Variants in MAN2A1 observed in about 807,000 individuals in gnomAD.
MAN2A1 encodes mannosidase alpha class 2A member 1, also known as alpha-mannosidase 2.
In MAN2A1, 76 loss-of-function variants were observed where a neutral mutation model predicts 142.6. The ratio of observed to expected loss-of-function variants is 0.53; its 90% CI spans 0.44 to 0.65. The LOEUF is 0.65. MAN2A1 is among the 30% of genes least tolerant of loss of function. MAN2A1 has a pLI of 0.00. For synonymous variants in MAN2A1, 559 were observed against 473.2 expected (o/e 1.18, Z -2.35); for missense variants, 1,311 against 1,365.1 (o/e 0.96, Z 0.62).
intron 5 of MAN2A1, among the ~76,000 whole-genome samples, chr5:109,763,565 A>G (rs937957867): frequency 3.3e-5 from 5 of 151,700 alleles, no homozygotes; most frequent in African/African-American, 1.2e-4. Context: ...CATGTGCACA[A>G]TGTGCAGGTT....
In MAN2A1 at chr5:109,729,510, A is replaced by G; in HGVS notation, c.704A>G (p.Lys235Arg). 1 of 1,491,662 alleles carries G rather than the reference A, an allele frequency of 6.7e-7. No individual in the cohort carries two copies. The highest frequency in any genetic ancestry group is 8.9e-7 in the Non-Finnish European group (1 of 1,118,142). 92.4% of individuals were successfully genotyped at this position (1,491,662 alleles called of 1,614,324 possible). The change falls in exon 4 of 22, where the codon AAA becomes AGA. Residue 235 changes from lysine (K) to arginine (R), a missense_variant. Lys to Arg is a conservative substitution (Grantham distance 26, BLOSUM62 2). Coordinates refer to ENST00000261483, the MANE Select transcript of MAN2A1 (RefSeq NM_002372.4). ...IIDIQKKDAV[K>R]SLIENGQLEI... ...GATATTCAGAAGAAGGATGCTGTTA[A>G]AAGGTTTGTTTTAAAACTTTTTTGG...
intron 12 of MAN2A1, among the ~76,000 whole-genome samples, chr5:109,815,973 A>G (rs1247114250): frequency 6.6e-6 from 1 of 152,242 alleles, no homozygotes; most frequent in African/African-American, 2.4e-5. Context: ...AATACTCTTC[A>G]TTTGAAGACA....
chr5:109,865,806 T>C (rs1755865047), intron 21 of MAN2A1, among the ~76,000 whole-genome samples: 1 of 152,210 alleles, frequency 6.6e-6, no homozygotes, highest in African/African-American at 2.4e-5. Context: ...TTTCTGGCAG[T>C]TCCATCAAGC....
chr5:109,839,381 T>C (rs1168686681), intron 16 of MAN2A1, among the ~76,000 whole-genome samples: 1 of 152,240 alleles, frequency 6.6e-6, no homozygotes, highest in Non-Finnish European at 1.5e-5. Context: ...GTGTGATTTC[T>C]TTTTCAACTT....
At chr5:109,779,941 C>T (rs548376150) in intron 8 of MAN2A1, among the ~76,000 whole-genome samples, 1 of 152,302 alleles carries the variant, frequency 6.6e-6, no homozygotes, top group South Asian at 2.1e-4. Flanking sequence ...AGATTACAGT[C>T]ACTTATATTT....
chr5:109,735,704 A>G (rs1752071701), intron 4 of MAN2A1, among the ~76,000 whole-genome samples: 1 of 152,280 alleles, frequency 6.6e-6, no homozygotes, highest in Middle Eastern at 3.4e-3. Flanking sequence ...TCTTAACTAT[A>G]TTAAAAAGTT....
rs537499630 is a variant in MAN2A1 at position 109,802,143 on chromosome 5, C to A, written c.1943+12616C>A. On this transcript the variant is annotated intron_variant, in intron 12 of 21. Coordinates refer to ENST00000261483, the MANE Select transcript of MAN2A1 (RefSeq NM_002372.4). Reference sequence around the variant, plus strand: ...GATTCTTTCTTGCTCAGAACCTACACAGGCAAGGTCTCTTTTCTAAGTGAC... The same window carrying A: ...GATTCTTTCTTGCTCAGAACCTACAAAGGCAAGGTCTCTTTTCTAAGTGAC... Among the ~76,000 whole-genome samples, 15 of 152,266 alleles carry A rather than the reference C, an allele frequency of 9.9e-5. No individual in the cohort carries two copies. The South Asian group carries it at 3.1e-3, about 32-fold the overall frequency.
At chr5:109,831,037 T>C (rs1319338641) in intron 16 of MAN2A1, among the ~76,000 whole-genome samples, 1 of 152,180 alleles carries the variant, frequency 6.6e-6, no homozygotes, top group Non-Finnish European at 1.5e-5. Flanking sequence ...ACAGGAGATA[T>C]GTAATGGCTC....
intron 17 of MAN2A1, among the ~76,000 whole-genome samples, chr5:109,845,634 T>A (rs1755326048): frequency 1.3e-5 from 2 of 152,172 alleles, no homozygotes; most frequent in South Asian, 4.1e-4. Flanking sequence ...ATGCCTATTT[T>A]AAAAATCTGG....
intron 12 of MAN2A1, among the ~76,000 whole-genome samples, chr5:109,799,970 C>G (rs1291571760): frequency 2.0e-5 from 3 of 151,762 alleles, no homozygotes; most frequent in Admixed American, 6.6e-5. Flanking sequence ...CACCTGTAAT[C>G]CCTGCTACTT....
rs777508298 is a variant in MAN2A1 at position 109,713,623 on chromosome 5, G to C, written c.239G>C (p.Ser80Thr). ...ATTAGAGACTCAGTCATCAATTTGA[G>C]TGAGTCTGTGGAGGATGGTCCGAAA... ...SNIRDSVINL[S>T]ESVEDGPKSS... The change falls in exon 2 of 22, where the codon AGT becomes ACT. Residue 80 changes from serine (S) to threonine (T), a missense_variant. By Grantham distance (58) the Ser-to-Thr change is moderately conservative. Around this residue, in one of 3 missense-constraint regions of MAN2A1, gnomAD observed 409 missense variants for 412.7 expected, o/e 0.99. Transcript: ENST00000261483. 2.5e-6 allele frequency: 4 copies of C among 1,614,128 alleles called. No individual in the cohort carries two copies. In the Admixed American group the frequency reaches 6.7e-5, roughly 27 times the overall value.
intron 16 of MAN2A1, among the ~76,000 whole-genome samples, chr5:109,836,281 T>A (rs1012802858): frequency 1.3e-5 from 2 of 149,540 alleles, no homozygotes; most frequent in African/African-American, 5.0e-5. Flanking sequence ...GGCTAATTTT[T>A]GTGGGGTTTT....
Position 109,843,620 on chromosome 5 carries a change from C to T in MAN2A1, c.2700+1159C>T, listed in dbSNP as rs1266403967. Among the ~76,000 whole-genome samples, 5 of 152,132 alleles carry T rather than the reference C, an allele frequency of 3.3e-5. No homozygotes were observed. The East Asian group carries it at 7.7e-4, about 23-fold the overall frequency. Reference sequence around the variant, plus strand: ...GTATACCATTATACATACACAGACACACATGTATACATATACATAGGTATA... The same window carrying T: ...GTATACCATTATACATACACAGACATACATGTATACATATACATAGGTATA... On this transcript the variant is annotated intron_variant, in intron 17 of 21. Coordinates refer to ENST00000261483, the MANE Select transcript of MAN2A1 (RefSeq NM_002372.4).
intron 16 of MAN2A1, 58 bp from the exon 17 acceptor site, chr5:109,842,269 CA>C: frequency 8.3e-7 from 1 of 1,198,994 alleles, no homozygotes; most frequent in South Asian, 1.5e-5. Context: ...TAGTATATTT[CA>C]AAAAGGTGAG....
chr5:109,860,823 T>A (rs4352640), intron 20 of MAN2A1, among the ~76,000 whole-genome samples: 56,960 of 151,676 alleles, frequency 0.38, 11,298 homozygotes, highest in African/African-American at 0.52. Flanking sequence ...TTTCCAAAGC[T>A]TGGTTTCTGA....
chr5:109,704,203 C>T (rs1300758711), intron 1 of MAN2A1, among the ~76,000 whole-genome samples: 1 of 152,228 alleles, frequency 6.6e-6, no homozygotes, highest in Non-Finnish European at 1.5e-5. Flanking sequence ...CTTTTCCCTT[C>T]ACAGTCATTT....
At chr5:109,838,165 A>C (rs1230128200) in intron 16 of MAN2A1, among the ~76,000 whole-genome samples, 1 of 151,872 alleles carries the variant, frequency 6.6e-6, no homozygotes, top group Non-Finnish European at 1.5e-5. Flanking sequence ...TGGCCTTTTT[A>C]TTACCACTTT....
At position 109,772,988 on chromosome 5, in the gene MAN2A1, G is replaced by A. The variant is rs184583460; in HGVS notation, c.1197-1800G>A. On this transcript the variant is annotated intron_variant, in intron 7 of 21. Transcript: ENST00000261483. ...TTTAAGTTGGCTTTTTCTATTGACC[G>A]TCACGTGATTTGATGTTTCGGGGAT... 2.3e-3 allele frequency among the ~76,000 whole-genome samples: 352 copies of A among 152,138 alleles called. 1 individual carries two copies. The highest frequency in any genetic ancestry group is 0.012 in the Admixed American group (178 of 15,262).
intron 1 of MAN2A1, 85 bp from the exon 2 acceptor site, chr5:109,713,435 C>G: frequency 8.2e-7 from 1 of 1,221,948 alleles, no homozygotes; most frequent in Non-Finnish European, 1.1e-6. Flanking sequence ...CGTAGGCAAC[C>G]ACATAATTTA....
Sources: gnomAD v4.1 joint callset for allele counts (sites outside exome capture counted in the v4.1 genomes callset) on GRCh38, gnomAD v4.1.1 for gene constraint, gnomAD v4.1.1 regional missense constraint, MANE v1.5 for transcripts, NCBI Gene and HGNC (gene_info 2026-07-23, HGNC 2026-07-21) for gene names.